Variants in CTNND2 observed in about 807,000 individuals in gnomAD.
CTNND2 encodes the protein catenin delta-2.
A neutral mutation model predicts 144.4 loss-of-function variants in CTNND2; 22 were observed. The observed-to-expected ratio is 0.15, with a 90% CI of 0.11 to 0.22. The LOEUF (loss-of-function observed/expected upper bound fraction) is 0.22, where lower values mean the gene tolerates loss of function less well. Ranked by LOEUF, CTNND2 falls within the 10% of genes least tolerant of loss-of-function variation. The pLI is 1.00. For synonymous variants in CTNND2, 751 were observed against 695.6 expected, an observed-to-expected ratio of 1.08 and a Z score of -1.25; for missense variants, 1,353 against 1,618.8, an observed-to-expected ratio of 0.84 and a Z score of 2.82.
intron 1 of CTNND2, among the ~76,000 whole-genome samples, chr5:11,767,268 CA>C (rs1789649891): frequency 1.3e-5 from 2 of 152,166 alleles, no homozygotes; most frequent in South Asian, 4.1e-4. Context: ...ATCAGTGCTT[CA>C]ATAGTGTTTT....
chr5:11,374,075 T>C (rs984968694), intron 7 of CTNND2, among the ~76,000 whole-genome samples: 1 of 152,116 alleles, frequency 6.6e-6, no homozygotes, highest in South Asian at 2.1e-4. Flanking sequence ...GTGGGGTCAG[T>C]GCTGTGATGA....
Position 10,972,775 on chromosome 5 carries a change from G to GC in CTNND2, c.*677dup. 1 of 148,612 alleles carries GC rather than the reference G, an allele frequency of 6.7e-6. No individual in the cohort carries two copies. The highest frequency in any genetic ancestry group is 1.9e-4 in the East Asian group (1 of 5,134). 9.2% of individuals were successfully genotyped at this position (148,612 alleles called of 1,614,324 possible). ...TACTGCTAAATATTCCTTTTTTCCT[G>GC]CTTTTTTTTTTTTTTGTTAAAACAT... On this transcript the variant is annotated 3_prime_UTR_variant, in exon 22 of 22. Transcript: ENST00000304623.
At chr5:11,287,016 T>A (rs1041746258) in intron 9 of CTNND2, among the ~76,000 whole-genome samples, 3 of 152,120 alleles carry the variant, frequency 2.0e-5, no homozygotes, top group South Asian at 2.1e-4. Context: ...AATCTACATA[T>A]ACACACCCAC....
At chr5:11,839,028 A>G (rs905536169) in intron 1 of CTNND2, among the ~76,000 whole-genome samples, 3 of 152,194 alleles carry the variant, frequency 2.0e-5, no homozygotes, top group African/African-American at 7.2e-5. Context: ...TCAGGCTAGC[A>G]TGCTTAAATA....
At position 11,079,049 on chromosome 5, in the gene CTNND2, T is replaced by C. The variant is rs61750274; in HGVS notation, c.2788+3647A>G. Among the ~76,000 whole-genome samples, 591 of 152,334 alleles carry C rather than the reference T, an allele frequency of 3.9e-3. 4 individuals carry two copies. The highest frequency in any genetic ancestry group is 0.012 in the African/African-American group (500 of 41,586). ...TTTTTCTTGGAGGATATGATGGCTATTGTGAAATGGCAGGAGAAAAAGTGG... is the reference window on the plus strand; with the variant it reads ...TTTTTCTTGGAGGATATGATGGCTACTGTGAAATGGCAGGAGAAAAAGTGG... On this transcript the variant is annotated intron_variant, in intron 16 of 21. Transcript: ENST00000304623.
At chr5:11,346,072 C>CT (rs1445787871) in intron 9 of CTNND2, among the ~76,000 whole-genome samples, 1 of 152,052 alleles carries the variant, frequency 6.6e-6, no homozygotes, top group African/African-American at 2.4e-5. Context: ...ATGACATAGC[C>CT]TCCAGTCCCC....
chr5:11,696,752 AG>A (rs2126661126), intron 2 of CTNND2, among the ~76,000 whole-genome samples: 1 of 152,346 alleles, frequency 6.6e-6, no homozygotes, highest in Non-Finnish European at 1.5e-5. Flanking sequence ...TCTGAAACCC[AG>A]ACAGTAGTCA....
rs57085841 is a variant in CTNND2 at position 11,585,484 on chromosome 5, A to ATATCTATCTATCTATC, written c.175-20444_175-20429dup. On this transcript the variant is annotated intron_variant, in intron 2 of 21. Coordinates refer to ENST00000304623, the MANE Select transcript of CTNND2 (RefSeq NM_001332.4). ...CTATATTTATATATTTTATCTATGT[A>ATATCTATCTATCTATC]TATCTATCTATCTATCTATCTATCT... Among the ~76,000 whole-genome samples, 940 of 150,082 alleles carry ATATCTATCTATCTATC rather than the reference A, an allele frequency of 6.3e-3. 2 individuals are homozygous for ATATCTATCTATCTATC. The highest frequency in any genetic ancestry group is 8.1e-3 in the African/African-American group (329 of 40,808).
chr5:10,998,835 G>A (rs1482337021), intron 18 of CTNND2, among the ~76,000 whole-genome samples: 1 of 152,194 alleles, frequency 6.6e-6, no homozygotes, highest in East Asian at 1.9e-4. Flanking sequence ...AAAGTTTACA[G>A]GAAAATGTGC....
intron 1 of CTNND2, among the ~76,000 whole-genome samples, chr5:11,837,162 C>T (rs1794230398): frequency 6.6e-6 from 1 of 152,092 alleles, no homozygotes; most frequent in South Asian, 2.1e-4. Flanking sequence ...CGTTAAAGTC[C>T]CCTTCCAGAT....
At chr5:11,727,782 T>C (rs1787105524) in intron 2 of CTNND2, among the ~76,000 whole-genome samples, 1 of 152,224 alleles carries the variant, frequency 6.6e-6, no homozygotes, top group South Asian at 2.1e-4. Context: ...CATAAAATGC[T>C]TTCCCAAAAT....
rs1468205710 is a variant in CTNND2, at chr5:11,904,215, T to TGTCGCCGCGGGCGCGAGCCTGGG, written c.-385_-363dup. On this transcript the variant is annotated 5_prime_UTR_variant, in exon 1 of 22. Transcript: ENST00000304623. The surrounding 1 kb of genome is among the most constrained non-coding windows in gnomAD (Gnocchi z 4.2). ...GCGCCCGCAGCTCCGCTCAGCCGGC[T>TGTCGCCGCGGGCGCGAGCCTGGG]GTCGCCGCGGGCGCGAGCCTGGGGC... 2.8e-4 allele frequency among the ~76,000 whole-genome samples: 41 copies of TGTCGCCGCGGGCGCGAGCCTGGG among 144,460 alleles called. No homozygotes were observed. The highest frequency in any genetic ancestry group is 4.8e-4 in the Non-Finnish European group (31 of 65,262). 94.8% of individuals were successfully genotyped at this position (144,460 alleles called of 152,430 possible).
At chr5:11,209,983 A>G (rs1247399707) in intron 10 of CTNND2, among the ~76,000 whole-genome samples, 1 of 152,214 alleles carries the variant, frequency 6.6e-6, no homozygotes, top group East Asian at 1.9e-4. Flanking sequence ...GAAGCATACT[A>G]TCCATACTGA....
At chr5:10,989,773 G>C (rs982409651) in intron 19 of CTNND2, among the ~76,000 whole-genome samples, 1 of 152,176 alleles carries the variant, frequency 6.6e-6, no homozygotes, top group Admixed American at 6.5e-5. Flanking sequence ...GCTCTCAATC[G>C]AGTAAGGAAA....
At chr5:11,832,411 C>A (rs376295242) in intron 1 of CTNND2, among the ~76,000 whole-genome samples, 9 of 151,926 alleles carry the variant, frequency 5.9e-5, no homozygotes, top group African/African-American at 1.9e-4. Flanking sequence ...AGACTTGTAT[C>A]CAGGAGCTAG....
chr5:11,190,932 C>T (rs1350309247), intron 11 of CTNND2, among the ~76,000 whole-genome samples: 1 of 152,210 alleles, frequency 6.6e-6, no homozygotes, highest in Non-Finnish European at 1.5e-5. Flanking sequence ...TTTCAGCAAA[C>T]ACTGCTACAC....
intron 3 of CTNND2, among the ~76,000 whole-genome samples, chr5:11,490,310 T>A (rs1769269196): frequency 6.6e-6 from 1 of 152,222 alleles, no homozygotes; most frequent in South Asian, 2.1e-4. Flanking sequence ...TATTTTGAGA[T>A]GTATGCTGAG....
chr5:11,660,415 A>G (rs921764586), intron 2 of CTNND2, among the ~76,000 whole-genome samples: 1 of 152,176 alleles, frequency 6.6e-6, no homozygotes. Flanking sequence ...GAACAATTAC[A>G]TTAATGATAT....
intron 7 of CTNND2, among the ~76,000 whole-genome samples, chr5:11,368,710 T>C (rs1757195430): frequency 6.6e-6 from 1 of 152,216 alleles, no homozygotes; most frequent in Non-Finnish European, 1.5e-5. Flanking sequence ...TGCTGTTTCT[T>C]GTGTCACTTT....
Sources: allele counts gnomAD v4.1 joint callset (sites outside exome capture counted in the v4.1 genomes callset), GRCh38; gene constraint gnomAD v4.1.1; non-coding constraint Gnocchi (gnomAD v3.1); transcripts MANE v1.5; gene names NCBI Gene and HGNC (gene_info 2026-07-23, HGNC 2026-07-21).